CYTH1: variants seen among roughly 807,000 people sequenced by gnomAD.
CYTH1 encodes cytohesin 1, also known as cytohesin-1.
A neutral mutation model predicts 61.8 loss-of-function variants in CYTH1; 18 were observed. The ratio of observed to expected loss-of-function variants is 0.29; its 90% CI spans 0.20 to 0.43. The LOEUF is 0.43. CYTH1 is among the 20% of genes least tolerant of loss of function. CYTH1 has a pLI of 1.00. For synonymous variants in CYTH1, 174 were observed against 184.3 expected (o/e 0.94, Z 0.45); for missense variants, 336 against 510.5 (o/e 0.66, Z 3.29).
intron 13 of CYTH1, 77 bp downstream of exon 13, chr17:78,680,113 A>C: frequency 6.4e-7 from 1 of 1,555,416 alleles, no homozygotes. Context: ...CGGCATGTTT[A>C]ACCACTAAGA....
chr17:78,761,135 G>A (rs917663980), intron 1 of CYTH1, among the ~76,000 whole-genome samples: 14 of 151,902 alleles, frequency 9.2e-5, no homozygotes, highest in Non-Finnish European at 1.5e-4. Context: ...GCCCAGCCTC[G>A]CGATTTCCAA....
At chr17:78,697,579 G>A (rs1429649569) in intron 9 of CYTH1, among the ~76,000 whole-genome samples, 5 of 151,532 alleles carry the variant, frequency 3.3e-5, no homozygotes, top group Admixed American at 1.3e-4. Flanking sequence ...AATTAATGTG[G>A]CTGATTCAGA....
At chr17:78,760,924 C>T (rs1043427627) in intron 1 of CYTH1, among the ~76,000 whole-genome samples, 2 of 152,022 alleles carry the variant, frequency 1.3e-5, no homozygotes, top group African/African-American at 2.4e-5. Flanking sequence ...GGATACCCAC[C>T]TCCCGGGTTC....
intron 1 of CYTH1, chr17:78,716,870 A>G (rs953931516): frequency 1.3e-5 from 2 of 152,242 alleles, no homozygotes; most frequent in South Asian, 4.1e-4. Context: ...TGTCTTCAGG[A>G]CACTGCGAAG....
chr17:78,711,335 A>ACG (rs1567852213), intron 1 of CYTH1, among the ~76,000 whole-genome samples: 1 of 151,052 alleles, frequency 6.6e-6, no homozygotes, highest in African/African-American at 2.4e-5. Flanking sequence ...ACACACACAC[A>ACG]CACCAGACTT....
intron 1 of CYTH1, among the ~76,000 whole-genome samples, chr17:78,730,091 G>C (rs1179767287): frequency 6.6e-6 from 1 of 152,102 alleles, no homozygotes; most frequent in Non-Finnish European, 1.5e-5. Context: ...TAATGCCCAT[G>C]AAGTGCCTGT....
intron 1 of CYTH1, among the ~76,000 whole-genome samples, chr17:78,766,571 C>T (rs758151416): frequency 6.6e-6 from 1 of 152,168 alleles, no homozygotes; most frequent in Non-Finnish European, 1.5e-5. Flanking sequence ...ATCCTACAAA[C>T]TCCTCAAATT....
intron 1 of CYTH1, among the ~76,000 whole-genome samples, chr17:78,772,797 A>G (rs1052796961): frequency 1.3e-5 from 2 of 151,394 alleles, no homozygotes; most frequent in Non-Finnish European, 2.9e-5. Context: ...TGGCCTCCCA[A>G]AGTGTTGGGA....
chr17:78,734,955 T>C (rs1045825236), intron 1 of CYTH1, among the ~76,000 whole-genome samples: 1 of 152,058 alleles, frequency 6.6e-6, no homozygotes, highest in African/African-American at 2.4e-5. Context: ...CAGAGGAAAC[T>C]CCATTTGTCC....
At chr17:78,703,761 AC>A in intron 3 of CYTH1, among the ~76,000 whole-genome samples, 1 of 152,342 alleles carries the variant, frequency 6.6e-6, no homozygotes, top group Non-Finnish European at 1.5e-5. Flanking sequence ...GTGGGCCAGT[AC>A]TACATGCCTT....
chr17:78,691,635 G>C (rs1349744768), intron 11 of CYTH1: 2 of 152,124 alleles, frequency 1.3e-5, no homozygotes, highest in African/African-American at 4.8e-5. Context: ...CGATGCCATG[G>C]GAGTATGCCC....
At chr17:78,766,174 G>C (rs1164014814) in intron 1 of CYTH1, among the ~76,000 whole-genome samples, 1 of 151,452 alleles carries the variant, frequency 6.6e-6, no homozygotes. Context: ...AAGACTCTGG[G>C]AGCTGCTCTG....
rs200418495 is a variant in CYTH1, at chr17:78,700,480, G to A, written c.438-37C>T. On this transcript the variant is annotated intron_variant, in intron 6 of 13. Transcript: ENST00000446868. The surrounding 1 kb of genome is among the most constrained non-coding windows in gnomAD (Gnocchi z 5.1). ...AAGACAGAGTGTTCCAGAACTTGGG[G>A]AGGCAATTTATTTCTCTATGAATTG... is the stretch of plus-strand genomic sequence containing the variant. 3.1e-4 allele frequency: 464 copies of A among 1,519,772 alleles called. 2 individuals carry two copies. The Middle Eastern group carries it at 0.013, about 43-fold the overall frequency. The allele number at this position is 1,519,772 out of a possible 1,614,324, so 94.1% of individuals were successfully genotyped here.
rs760479777 is a variant in CYTH1 at position 78,700,891 on chromosome 17, G to A, written c.438-448C>T. The stretch of plus-strand genomic sequence containing the variant: ...TGCTGGGCTGCAGCCTTCTGTTACT[G>A]TAACTCTGAACAGATGCAAAGTTGC... On this transcript the variant is annotated intron_variant, in intron 6 of 13. Transcript: ENST00000446868. This position sits in a 1 kb window ranked among gnomAD's most constrained non-coding sequence, Gnocchi z 5.1. Among the ~76,000 whole-genome samples the A allele has an allele frequency of 4.6e-5, 7 of 152,098 alleles. No individual in the cohort carries two copies. The highest frequency in any genetic ancestry group is 1.0e-4 in the Non-Finnish European group (7 of 68,012).
At chr17:78,701,611 C>T in intron 6 of CYTH1, 60 bp downstream of exon 6, 1 of 1,486,510 alleles carries the variant, frequency 6.7e-7, no homozygotes, top group African/African-American at 1.4e-5. Context: ...CCAGGACAGA[C>T]TCATGATCAA....
At chr17:78,750,801 CAA>C (rs201658926) in intron 1 of CYTH1, among the ~76,000 whole-genome samples, 19 of 126,848 alleles carry the variant, frequency 1.5e-4, no homozygotes, top group Admixed American at 2.4e-4. Flanking sequence ...GACTCCATCT[CAA>C]AAAAAAAAAA....
At position 78,709,685 on chromosome 17, in the gene CYTH1, G is replaced by A; in HGVS notation, c.70C>T (p.Arg24Ter). Residue 24 changes from arginine (R) to a stop codon, truncating the protein, a stop_gained, in exon 2 of 14, where the codon CGA becomes TGA. Coordinates refer to ENST00000446868, the MANE Select transcript of CYTH1 (RefSeq NM_004762.6). LOFTEE classifies it high-confidence loss of function. ...GCCAGCAGCTCCTGTTTTCTCCGTC[G>A]GATGTTCTCCAGTTCTTGACGCTCC... Reference protein sequence around the residue: ...AEERQELENIRRRKQELLADI... With the variant: ...AEERQELENI The A allele has an allele frequency of 2.5e-6, 4 of 1,614,168 alleles. No homozygotes were observed. Among genetic ancestry groups the A allele is most frequent in the Non-Finnish European group, 2.5e-6 (3 of 1,180,034 alleles).
At chr17:78,758,234 A>G (rs966969276) in intron 1 of CYTH1, among the ~76,000 whole-genome samples, 31 of 152,232 alleles carry the variant, frequency 2.0e-4, no homozygotes, top group African/African-American at 7.2e-4. Flanking sequence ...TGCTCCATCT[A>G]TATCATGCTG....
chr17:78,715,496 A>C (rs949160580), intron 1 of CYTH1, among the ~76,000 whole-genome samples: 1 of 152,218 alleles, frequency 6.6e-6, no homozygotes, highest in Non-Finnish European at 1.5e-5. Context: ...ACCGGGTCAG[A>C]GCAGGAAGCC....
Sources: gnomAD v4.1 joint callset for allele counts (sites outside exome capture counted in the v4.1 genomes callset) on GRCh38, gnomAD v4.1.1 for gene constraint, Gnocchi (gnomAD v3.1) non-coding constraint, MANE v1.5 for transcripts, NCBI Gene and HGNC (gene_info 2026-07-23, HGNC 2026-07-21) for gene names.